Variants in CERS6 observed in about 807,000 individuals in gnomAD.
CERS6 encodes the protein ceramide synthase 6, also known as LAG1 homolog, ceramide synthase 6.
In CERS6, 26 loss-of-function variants were observed where a neutral mutation model predicts 56.8. The ratio of observed to expected loss-of-function variants is 0.46; its 90% CI spans 0.34 to 0.63. The LOEUF (loss-of-function observed/expected upper bound fraction) is 0.63, where lower values mean the gene tolerates loss of function less well. Ranked by LOEUF, CERS6 falls within the 30% of genes least tolerant of loss-of-function variation. The pLI is 0.01. For synonymous variants in CERS6, 164 were observed against 173.3 expected, an observed-to-expected ratio of 0.95 and a Z score of 0.42; for missense variants, 415 against 467.5, an observed-to-expected ratio of 0.89 and a Z score of 1.04.
rs149485032 is a variant in CERS6, at chr2:168,530,401, C to A, written c.171-17195C>A. Among the ~76,000 whole-genome samples, 5 of 152,306 alleles carry A rather than the reference C, an allele frequency of 3.3e-5. No individual in the cohort carries two copies. In the East Asian group the frequency reaches 9.6e-4, roughly 29 times the overall value. ...GACAATTACTGTAATTTTACAAGTACCACAATACTGTGCAAATATTGGCTA... is the reference window on the plus strand; with the variant it reads ...GACAATTACTGTAATTTTACAAGTAACACAATACTGTGCAAATATTGGCTA... On this transcript the variant is annotated intron_variant, in intron 1 of 9. Coordinates refer to ENST00000305747, the MANE Select transcript of CERS6 (RefSeq NM_203463.3).
chr2:168,460,134 G>A (rs1693752294), intron 1 of CERS6, among the ~76,000 whole-genome samples: 1 of 151,752 alleles, frequency 6.6e-6, no homozygotes. Context: ...TGGATCATCT[G>A]TGCTTGAAAA....
chr2:168,544,711 A>G (rs904516645), intron 1 of CERS6, among the ~76,000 whole-genome samples: 8 of 152,132 alleles, frequency 5.3e-5, no homozygotes, highest in African/African-American at 1.9e-4. Flanking sequence ...AGTCACCACA[A>G]TTTTATGTCC....
At chr2:168,556,256 TAAAG>T (rs1444778930) in intron 2 of CERS6, among the ~76,000 whole-genome samples, 3 of 152,116 alleles carry the variant, frequency 2.0e-5, no homozygotes, top group Non-Finnish European at 1.5e-5. Flanking sequence ...TTAATATTGA[TAAAG>T]AAATCCTAAA....
At chr2:168,544,285 T>C (rs1695423140) in intron 1 of CERS6, among the ~76,000 whole-genome samples, 1 of 152,192 alleles carries the variant, frequency 6.6e-6, no homozygotes, top group South Asian at 2.1e-4. Flanking sequence ...GGGAGCTGAT[T>C]ATAACAATGA....
At chr2:168,664,414 G>C (rs751612618) in intron 4 of CERS6, among the ~76,000 whole-genome samples, 1 of 152,184 alleles carries the variant, frequency 6.6e-6, no homozygotes, top group Non-Finnish European at 1.5e-5. Context: ...CAGACCCCAA[G>C]AGAGTGTTCT....
At chr2:168,715,733 G>C (rs890009282) in intron 7 of CERS6, among the ~76,000 whole-genome samples, 1 of 151,970 alleles carries the variant, frequency 6.6e-6, no homozygotes, top group Non-Finnish European at 1.5e-5. Context: ...ATTTCAAAAG[G>C]TAAAATCCCA....
At position 168,769,794 on chromosome 2, in the gene CERS6, A is replaced by G. The variant is rs1048935429; in HGVS notation, c.*132A>G. 31 of 837,654 alleles carry G rather than the reference A, an allele frequency of 3.7e-5. No homozygotes were observed. Among genetic ancestry groups the G allele is most frequent in the Non-Finnish European group, 5.8e-5 (30 of 521,538 alleles). 51.9% of individuals were successfully genotyped at this position (837,654 alleles called of 1,614,324 possible). On this transcript the variant is annotated 3_prime_UTR_variant, in exon 10 of 10. Coordinates refer to ENST00000305747, the MANE Select transcript of CERS6 (RefSeq NM_203463.3). ...AATTAAGATTATCAAAGCATTTTGAATAGTGCACTGCCATGTGTCCTGTCT... is the reference window on the plus strand; with the variant it reads ...AATTAAGATTATCAAAGCATTTTGAGTAGTGCACTGCCATGTGTCCTGTCT...
chr2:168,622,603 A>G (rs1255898095), intron 3 of CERS6, among the ~76,000 whole-genome samples: 10 of 152,204 alleles, frequency 6.6e-5, no homozygotes, highest in Non-Finnish European at 1.5e-4. Context: ...ACCCAAATTA[A>G]GTTCACCTTT....
At chr2:168,555,762 GTGTA>G (rs1695666989) in intron 2 of CERS6, among the ~76,000 whole-genome samples, 1 of 138,908 alleles carries the variant, frequency 7.2e-6, no homozygotes, top group Non-Finnish European at 1.6e-5. Flanking sequence ...GTGTGTGTGT[GTGTA>G]TGTAAAGATC....
intron 3 of CERS6, among the ~76,000 whole-genome samples, chr2:168,579,152 A>C (rs760441598): frequency 2.6e-5 from 4 of 152,188 alleles, no homozygotes; most frequent in Non-Finnish European, 4.4e-5. Context: ...ACATTCTGCC[A>C]TCTTCTTATG....
intron 8 of CERS6, among the ~76,000 whole-genome samples, chr2:168,728,611 T>C (rs995282555): frequency 1.3e-5 from 2 of 151,396 alleles, no homozygotes; most frequent in Non-Finnish European, 2.9e-5. Flanking sequence ...GGTCTCGAAC[T>C]CCTGACCTCA....
chr2:168,553,650 G>A (rs1695617179), intron 2 of CERS6, among the ~76,000 whole-genome samples: 1 of 152,076 alleles, frequency 6.6e-6, no homozygotes, highest in East Asian at 1.9e-4. Context: ...AAAAAATTTA[G>A]GGATATTATT....
At chr2:168,657,621 C>T (rs1685517811) in intron 4 of CERS6, among the ~76,000 whole-genome samples, 1 of 152,226 alleles carries the variant, frequency 6.6e-6, no homozygotes, top group Admixed American at 6.5e-5. Context: ...AAATCAAGTG[C>T]AGCGCCTGTG....
chr2:168,694,684 A>G (rs557442002), intron 5 of CERS6, among the ~76,000 whole-genome samples: 3 of 152,308 alleles, frequency 2.0e-5, no homozygotes, highest in African/African-American at 7.2e-5. Context: ...ACAAAGAATC[A>G]TAAATGCTGT....
chr2:168,746,775 G>GTGTATATATATATA (rs1553515803), intron 8 of CERS6, among the ~76,000 whole-genome samples: 1 of 38,992 alleles, frequency 2.6e-5, no homozygotes, highest in Non-Finnish European at 5.4e-5. Context: ...AGGGTAAAGG[G>GTGTATATATATATA]TATATATATA....
chr2:168,674,959 C>CTTATTTATTTATTTAT (rs59783108), intron 4 of CERS6, among the ~76,000 whole-genome samples: 13 of 148,530 alleles, frequency 8.8e-5, no homozygotes, highest in South Asian at 6.7e-4. Flanking sequence ...TTTACATTAC[C>CTTATTTATTTATTTAT]TTATTTATTT....
At chr2:168,734,259 A>C (rs946304917) in intron 8 of CERS6, among the ~76,000 whole-genome samples, 2 of 152,160 alleles carry the variant, frequency 1.3e-5, no homozygotes, top group Non-Finnish European at 2.9e-5. Flanking sequence ...GAAGGAAAAA[A>C]AAATAAGCTG....
intron 4 of CERS6, among the ~76,000 whole-genome samples, chr2:168,632,408 A>C (rs948189725): frequency 3.3e-5 from 5 of 152,224 alleles, no homozygotes; most frequent in Non-Finnish European, 7.3e-5. Context: ...GGTGAATTCT[A>C]TTATAAATAG....
intron 4 of CERS6, among the ~76,000 whole-genome samples, chr2:168,669,142 T>C (rs946528400): frequency 2.0e-5 from 3 of 152,230 alleles, no homozygotes; most frequent in Non-Finnish European, 2.9e-5. Flanking sequence ...GGTTCCATTA[T>C]GTTATTAAGG....
Sources: gnomAD v4.1 joint callset for allele counts (sites outside exome capture counted in the v4.1 genomes callset) on GRCh38, gnomAD v4.1.1 for gene constraint, MANE v1.5 for transcripts, NCBI Gene and HGNC (gene_info 2026-07-23, HGNC 2026-07-21) for gene names.